DHX8: variants seen among roughly 807,000 people sequenced by gnomAD.
DHX8 encodes the protein DEAH-box helicase 8, also known as ATP-dependent RNA helicase DHX8.
In DHX8, 67 loss-of-function variants were observed where a neutral mutation model predicts 140.7. That is an observed-to-expected ratio of 0.48 (90% CI 0.39 to 0.58). The LOEUF (loss-of-function observed/expected upper bound fraction) is 0.58. Among genes scored for constraint, DHX8 ranks in the 20% least tolerant of loss-of-function variants. DHX8 has a pLI of 0.00. For synonymous variants in DHX8, 533 were observed against 553.2 expected, an observed-to-expected ratio of 0.96 and a Z score of 0.51; for missense variants, 887 against 1,550.7, an observed-to-expected ratio of 0.57 and a Z score of 7.19.
chr17:43,533,507 C>G (rs1971073205), intron 2 of DHX8, among the ~76,000 whole-genome samples: 1 of 152,020 alleles, frequency 6.6e-6, no homozygotes, highest in Non-Finnish European at 1.5e-5. Context: ...CAGCCCTAGC[C>G]AATTCTTTTC....
intron 15 of DHX8, 108 bp downstream of exon 15, chr17:43,508,127 A>G (rs1159084684): frequency 8.3e-7 from 1 of 1,208,238 alleles, no homozygotes; most frequent in Non-Finnish European, 1.1e-6. Flanking sequence ...AACAACTTCT[A>G]AATATTCATC....
intron 2 of DHX8, chr17:43,532,883 C>T (rs1159895392): frequency 6.2e-7 from 1 of 1,603,622 alleles, no homozygotes; most frequent in Non-Finnish European, 8.5e-7. Flanking sequence ...GGGTTCCCGG[C>T]CCCCTCCCTG....
At chr17:43,522,782 G>T (rs1025645643) in intron 22 of DHX8, among the ~76,000 whole-genome samples, 2 of 149,910 alleles carry the variant, frequency 1.3e-5, no homozygotes, top group Admixed American at 1.3e-4. Flanking sequence ...ACTACCTAGG[G>T]GCTAGGCATG....
chr17:43,519,884 T>G, intron 18 of DHX8: 1 of 361,846 alleles, frequency 2.8e-6, no homozygotes, highest in Non-Finnish European at 5.1e-6. Context: ...GAGGTTGCAG[T>G]GAGCTGAGAT....
intron 11 of DHX8, among the ~76,000 whole-genome samples, chr17:43,501,052 G>A (rs1187565028): frequency 6.6e-6 from 1 of 151,818 alleles, no homozygotes; most frequent in African/African-American, 2.4e-5. Flanking sequence ...CTGGGGATAC[G>A]ATTTGAATTA....
At chr17:43,508,910 C>T (rs1464419717) in intron 16 of DHX8, among the ~76,000 whole-genome samples, 1 of 152,048 alleles carries the variant, frequency 6.6e-6, no homozygotes, top group African/African-American at 2.4e-5. Context: ...TGAGCCACCG[C>T]GCCCGGCCAG....
chr17:43,509,770 G>A (rs1367356245), intron 16 of DHX8, among the ~76,000 whole-genome samples: 1 of 152,044 alleles, frequency 6.6e-6, no homozygotes, highest in Non-Finnish European at 1.5e-5. Context: ...CCAGGTTCAA[G>A]CGATTCCCCC....
chr17:43,525,840 T>C, downstream of DHX8: 1 of 985,076 alleles, frequency 1.0e-6, no homozygotes, highest in Non-Finnish European at 1.2e-6. Flanking sequence ...CAGCCTGTCC[T>C]GACTGAGTGC....
intron 21 of DHX8, 151 bp from the exon 22 acceptor site, chr17:43,521,896 T>C: frequency 3.8e-6 from 3 of 797,444 alleles, no homozygotes; most frequent in South Asian, 3.3e-5. Flanking sequence ...CTGCCCACTG[T>C]GTAGAGCTGC....
rs192287200 is a variant in DHX8 at position 43,533,809 on chromosome 17, T to A, written c.351-2603T>A. 71 of 1,592,862 alleles carry A rather than the reference T, an allele frequency of 4.5e-5. No individual in the cohort carries two copies. The African/African-American group carries it at 8.9e-4, about 20-fold the overall frequency. ...TGCTCATGGGTGCCCCCTGCCTCCC[T>A]CCTCTGGAACCCTTCTCCTACCCTT... is the stretch of plus-strand genomic sequence containing the variant. On this transcript the variant is annotated intron_variant, in intron 2 of 3. Transcript: ENST00000589898.
intron 5 of DHX8, 143 bp downstream of exon 5, chr17:43,492,435 C>T (rs964600364): frequency 3.0e-6 from 2 of 675,054 alleles, no homozygotes; most frequent in African/African-American, 1.8e-5. Context: ...TTCATTGCTT[C>T]CTGCTAAGTG....
At chr17:43,516,565 T>C (rs1249746900) in intron 17 of DHX8, among the ~76,000 whole-genome samples, 1 of 152,178 alleles carries the variant, frequency 6.6e-6, no homozygotes, top group Non-Finnish European at 1.5e-5. Context: ...TCGTCCCATC[T>C]GAGCCTCCTG....
chr17:43,499,346 T>C (rs1018876423), intron 10 of DHX8, among the ~76,000 whole-genome samples: 1 of 152,150 alleles, frequency 6.6e-6, no homozygotes, highest in African/African-American at 2.4e-5. Flanking sequence ...AGGGCAGAGC[T>C]GTAAGGGGAA....
intron 1 of DHX8, 111 bp downstream of exon 1, chr17:43,484,296 GTCTC>G (rs34397331): frequency 3.1e-6 from 4 of 1,300,696 alleles, no homozygotes; most frequent in Non-Finnish European, 4.3e-6. Context: ...GTGTGAATCT[GTCTC>G]TCTCTGTCGC....
intron 11 of DHX8, among the ~76,000 whole-genome samples, 188 bp from the exon 12 acceptor site, chr17:43,504,456 C>CT (rs1969380029): frequency 6.6e-6 from 1 of 152,242 alleles, no homozygotes; most frequent in Admixed American, 6.5e-5. Flanking sequence ...GTTACAGTCT[C>CT]TTTCCCATTC....
downstream of DHX8, chr17:43,526,314 C>A (rs1366861867): frequency 5.6e-6 from 8 of 1,419,482 alleles, no homozygotes; most frequent in Non-Finnish European, 7.4e-6. Flanking sequence ...TTCACCCCCA[C>A]CCCGCGAGAA....
At chr17:43,497,736 CAG>C (rs1421618561) in intron 9 of DHX8, among the ~76,000 whole-genome samples, 1 of 151,526 alleles carries the variant, frequency 6.6e-6, no homozygotes, top group African/African-American at 2.4e-5. Context: ...GCCTGGGCAA[CAG>C]AGCAACACCC....
At chr17:43,533,883 T>A in intron 2 of DHX8, 1 of 1,604,870 alleles carries the variant, frequency 6.2e-7, no homozygotes, top group East Asian at 2.3e-5. Flanking sequence ...CTGCTCGCCA[T>A]GGTGGTAGGG....
downstream of DHX8, among the ~76,000 whole-genome samples, chr17:43,530,814 C>G (rs982155368): frequency 6.6e-6 from 1 of 152,050 alleles, no homozygotes; most frequent in Non-Finnish European, 1.5e-5. Context: ...AAGTTCCAAC[C>G]CCTTCCCGCC....
Sources: allele counts gnomAD v4.1 joint callset (sites outside exome capture counted in the v4.1 genomes callset), GRCh38; gene constraint gnomAD v4.1.1; transcripts MANE v1.5; gene names NCBI Gene and HGNC (gene_info 2026-07-23, HGNC 2026-07-21).